LCOR: variants seen among roughly 807,000 people sequenced by gnomAD.
LCOR encodes ligand-dependent corepressor.
LCOR carries 14 observed loss-of-function variants against 64.4 expected under a neutral mutation model. The ratio of observed to expected loss-of-function variants is 0.22; its 90% CI spans 0.14 to 0.34. The LOEUF (loss-of-function observed/expected upper bound fraction) is 0.34, where lower values mean the gene tolerates loss of function less well. Ranked by LOEUF, LCOR falls within the 10% of genes least tolerant of loss-of-function variation. The pLI is 1.00. For synonymous variants in LCOR, 643 were observed against 642.5 expected (o/e 1.00, Z -0.01); for missense variants, 1,686 against 1,765.3 (o/e 0.96, Z 0.80).
intron 4 of LCOR, among the ~76,000 whole-genome samples, chr10:96,934,347 C>T (rs1283434663): frequency 6.6e-6 from 1 of 152,156 alleles, no homozygotes; most frequent in Non-Finnish European, 1.5e-5. Context: ...CTACTCTCAT[C>T]CCTCCCTCAT....
intron 2 of LCOR, among the ~76,000 whole-genome samples, chr10:96,845,098 G>T (rs1028113324): frequency 6.6e-6 from 1 of 152,086 alleles, no homozygotes; most frequent in South Asian, 2.1e-4. Context: ...AGGAGAAGAA[G>T]AAATTGGATA....
intron 2 of LCOR, among the ~76,000 whole-genome samples, chr10:96,894,059 C>T (rs913796764): frequency 6.6e-5 from 10 of 152,022 alleles, no homozygotes; most frequent in South Asian, 2.1e-4. Flanking sequence ...TTGAAGACCA[C>T]GTAGGATCAA....
chr10:96,832,928 G>T, intron 1 of LCOR: 1 of 942,036 alleles, frequency 1.1e-6, no homozygotes, highest in Middle Eastern at 5.5e-4. Context: ...GCGGCGGGCT[G>T]CAGGCGGGCG....
At chr10:96,933,188 A>C (rs1045477442) in intron 4 of LCOR, among the ~76,000 whole-genome samples, 8 of 152,228 alleles carry the variant, frequency 5.3e-5, no homozygotes, top group African/African-American at 1.9e-4. Context: ...AGGGGAATAT[A>C]TCAAATGATT....
intron 2 of LCOR, among the ~76,000 whole-genome samples, chr10:96,836,113 C>CT (rs1845436723): frequency 4.6e-5 from 7 of 152,214 alleles, no homozygotes; most frequent in Admixed American, 4.6e-4. Flanking sequence ...AGATGAGTCT[C>CT]TTTGACTTTC....
At position 96,949,048 on chromosome 10, in the gene LCOR, C is replaced by T; in HGVS notation, c.-10C>T. On this transcript the variant is annotated 5_prime_UTR_variant, in exon 6 of 8. Coordinates refer to ENST00000421806, the MANE Select transcript of LCOR (RefSeq NM_001346516.2). Reference sequence around the variant, plus strand: ...CCGACCCCAATATTCCCCTAGTGGCCCGTGAGATCATGCAGCGAATGATCC... The same window carrying T: ...CCGACCCCAATATTCCCCTAGTGGCTCGTGAGATCATGCAGCGAATGATCC... 1 of 1,613,710 alleles carries T rather than the reference C, an allele frequency of 6.2e-7. No individual in the cohort carries two copies. Among genetic ancestry groups the T allele is most frequent in the Non-Finnish European group, 8.5e-7 (1 of 1,179,846 alleles).
intron 4 of LCOR, among the ~76,000 whole-genome samples, chr10:96,919,839 T>C (rs766458561): frequency 1.8e-4 from 28 of 152,224 alleles, no homozygotes; most frequent in Non-Finnish European, 3.5e-4. Context: ...TCCTTCCTTT[T>C]TAAAGCAGAA....
At chr10:96,931,443 C>T (rs1237104814) in intron 4 of LCOR, among the ~76,000 whole-genome samples, 1 of 151,992 alleles carries the variant, frequency 6.6e-6, no homozygotes, top group South Asian at 2.1e-4. Flanking sequence ...ACCATGTCGG[C>T]CAGGCTGGTC....
In LCOR at chr10:96,949,300, G is replaced by A; in HGVS notation, c.238+5G>A. 6.2e-7 allele frequency: 1 copy of A among 1,613,760 alleles called. No individual in the cohort carries two copies. Among genetic ancestry groups the A allele is most frequent in the Non-Finnish European group, 8.5e-7 (1 of 1,179,768 alleles). ...AGTCAGAACCTAGCGAACAAGGTATGGTTTGATGTCAAGGTCTCCTCTATC... is the reference window on the plus strand; with the variant it reads ...AGTCAGAACCTAGCGAACAAGGTATAGTTTGATGTCAAGGTCTCCTCTATC... On this transcript the variant is annotated splice_donor_5th_base_variant and intron_variant, in intron 6 of 7. Transcript: ENST00000421806.
At chr10:96,861,969 T>A (rs189222597) in intron 2 of LCOR, among the ~76,000 whole-genome samples, 1 of 152,328 alleles carries the variant, frequency 6.6e-6, no homozygotes, top group East Asian at 1.9e-4. Context: ...TGGAACTTCT[T>A]AATGGCTGTC....
Position 96,991,178 on chromosome 10 carries a change from T to G in LCOR, c.*6044T>G, listed in dbSNP as rs1848197972. 6.6e-6 allele frequency: 1 copy of G among 151,932 alleles called. No individual in the cohort carries two copies. The highest frequency in any genetic ancestry group is 1.9e-4 in the East Asian group (1 of 5,188). 9.4% of individuals were successfully genotyped at this position (151,932 alleles called of 1,614,324 possible). On this transcript the variant is annotated 3_prime_UTR_variant, in exon 8 of 8. Coordinates refer to ENST00000421806, the MANE Select transcript of LCOR (RefSeq NM_001346516.2). The stretch of plus-strand genomic sequence containing the variant: ...GGCACAACTTTTTTTTTTCATATGC[T>G]CCAACATTTTTTTCATACAGTCCAG...
chr10:96,873,955 A>T (rs535340478), intron 2 of LCOR, among the ~76,000 whole-genome samples: 7 of 152,158 alleles, frequency 4.6e-5, no homozygotes, highest in Non-Finnish European at 8.8e-5. Flanking sequence ...ACTGAGGGAC[A>T]TTCATGAGTT....
intron 7 of LCOR, chr10:96,958,127 G>T: frequency 8.5e-7 from 1 of 1,174,878 alleles, no homozygotes; most frequent in African/African-American, 1.6e-5. Flanking sequence ...GTACCTTTTT[G>T]CGTAATGTTT....
At position 96,837,483 on chromosome 10, in the gene LCOR, C is replaced by T. The variant is rs552809026; in HGVS notation, c.-330+4004C>T. 5.9e-5 allele frequency among the ~76,000 whole-genome samples: 9 copies of T among 152,066 alleles called. No homozygotes were observed. In the East Asian group the frequency reaches 1.5e-3, roughly 26 times the overall value. ...ATCTTGGCCAGGCTGGTCTTGAACTCCTGACCTCGTGATCCACCACCTCGG... is the reference window on the plus strand; with the variant it reads ...ATCTTGGCCAGGCTGGTCTTGAACTTCTGACCTCGTGATCCACCACCTCGG... On this transcript the variant is annotated intron_variant, in intron 2 of 7. Transcript: ENST00000421806.
At chr10:96,951,862 A>G (rs914886792) in intron 6 of LCOR, among the ~76,000 whole-genome samples, 4 of 152,154 alleles carry the variant, frequency 2.6e-5, no homozygotes, top group African/African-American at 9.7e-5. Context: ...CTTCAGTAAC[A>G]TGTTTTACCT....
In LCOR at chr10:96,877,854, G is replaced by A. The variant is rs540306600; in HGVS notation, c.-329-29411G>A. ...TCTCGATCTCCTGACCTCGTGATCC[G>A]CCTGCCTCGGCCTCCCAAAGTGTTG... On this transcript the variant is annotated intron_variant, in intron 2 of 7. Transcript: ENST00000421806. Among the ~76,000 whole-genome samples, 188 of 151,956 alleles carry A rather than the reference G, an allele frequency of 1.2e-3. 1 individual carries two copies. The highest frequency in any genetic ancestry group is 3.4e-3 in the Admixed American group (52 of 15,258).
At chr10:96,978,981 A>G (rs1488354715) in intron 7 of LCOR, among the ~76,000 whole-genome samples, 1 of 152,232 alleles carries the variant, frequency 6.6e-6, no homozygotes, top group East Asian at 1.9e-4. Context: ...TAACTTGCCT[A>G]AGATCCTGTA....
intron 2 of LCOR, among the ~76,000 whole-genome samples, chr10:96,906,760 G>C (rs1846736266): frequency 1.3e-5 from 2 of 152,058 alleles, no homozygotes; most frequent in Admixed American, 6.6e-5. Flanking sequence ...TAAAAGTCTT[G>C]TACCTTCTTT....
chr10:96,957,013 T>A, intron 7 of LCOR: 1 of 985,296 alleles, frequency 1.0e-6, no homozygotes, highest in Non-Finnish European at 1.2e-6. Flanking sequence ...TAATGAAGGA[T>A]CCATGTTTGT....
Sources: allele counts gnomAD v4.1 joint callset (sites outside exome capture counted in the v4.1 genomes callset), GRCh38; gene constraint gnomAD v4.1.1; transcripts MANE v1.5; gene names NCBI Gene and HGNC (gene_info 2026-07-23, HGNC 2026-07-21).